Variants in ZNF529 observed in about 807,000 individuals in gnomAD.
ZNF529 encodes zinc finger protein 529.
In ZNF529, 11 loss-of-function variants were observed where a neutral mutation model predicts 10.1. The ratio of observed to expected loss-of-function variants is 1.09; its 90% CI spans 0.69 to 1.81. The LOEUF (loss-of-function observed/expected upper bound fraction) is 1.81. Among genes scored for constraint, ZNF529 ranks in the 40% most tolerant of loss-of-function variants. The pLI is 0.00. For missense variants in ZNF529, 624 were observed against 666.8 expected, an observed-to-expected ratio of 0.94 and a Z score of 0.71; for synonymous variants, 204 against 215.7, an observed-to-expected ratio of 0.95 and a Z score of 0.47.
At chr19:36,569,445 G>C (rs1228440919) in intron 2 of ZNF529, among the ~76,000 whole-genome samples, 3 of 152,106 alleles carry the variant, frequency 2.0e-5, no homozygotes, top group Non-Finnish European at 4.4e-5. Flanking sequence ...AAATAAGTGA[G>C]ATATCAACAA....
chr19:36,547,119 C>T lies in ZNF529; in HGVS notation c.1439G>A (p.Cys480Tyr). ...RIHSGEKPYE[C>Y]KVCGKAFRHS... ...TCTAAAGGCCTTCCCACATACCTTA[C>T]ATTCATAAGGTTTCTCACCACTATG... is the stretch of plus-strand genomic sequence containing the variant. The change falls in exon 5 of 5, where the codon TGT becomes TAT. Residue 480 changes from cysteine (C) to tyrosine (Y), a missense_variant. Cys to Tyr is a radical substitution (Grantham distance 194, BLOSUM62 -2). Transcript: ENST00000591340. 1.9e-6 allele frequency: 3 copies of T among 1,613,974 alleles called. No individual in the cohort carries two copies. The highest frequency in any genetic ancestry group is 2.5e-6 in the Non-Finnish European group (3 of 1,179,958).
intron 2 of ZNF529, chr19:36,582,817 T>C (rs141874662): frequency 5.9e-5 from 9 of 151,468 alleles, no homozygotes; most frequent in Admixed American, 2.0e-4. Context: ...ATTTTAAAAA[T>C]GGATAAATCC....
intron 1 of ZNF529, among the ~76,000 whole-genome samples, chr19:36,590,459 A>G (rs550838594): frequency 6.6e-6 from 1 of 152,304 alleles, no homozygotes; most frequent in East Asian, 1.9e-4. Context: ...TTAAATGCTT[A>G]TATTAGAAGA....
chr19:36,560,336 TCTC>T (rs372578977), intron 2 of ZNF529, among the ~76,000 whole-genome samples: 122 of 152,068 alleles, frequency 8.0e-4, no homozygotes, highest in African/African-American at 2.9e-3. Flanking sequence ...ATATATCTCT[TCTC>T]CTCTTAACTG....
chr19:36,558,821 G>A (rs1219877168), intron 2 of ZNF529, among the ~76,000 whole-genome samples: 1 of 151,320 alleles, frequency 6.6e-6, no homozygotes, highest in Non-Finnish European at 1.5e-5. Flanking sequence ...CGAAAGAAAG[G>A]AAACAATTTA....
Position 36,568,665 on chromosome 19 carries a change from T to A in ZNF529, c.14+3668A>T, listed in dbSNP as rs143391773. On this transcript the variant is annotated intron_variant, in intron 2 of 4. Coordinates refer to ENST00000591340, the MANE Select transcript of ZNF529 (RefSeq NM_020951.5). ...TTTTGTACTTTTAATAGAGACAGGG[T>A]TTCACTATGTTGGCCAGGCTGGTCT... 4.7e-3 allele frequency among the ~76,000 whole-genome samples: 718 copies of A among 152,186 alleles called. 5 individuals carry two copies. The highest frequency in any genetic ancestry group is 0.023 in the South Asian group (109 of 4,818).
chr19:36,584,671 G>A (rs765515867), intron 2 of ZNF529, among the ~76,000 whole-genome samples: 2 of 151,614 alleles, frequency 1.3e-5, no homozygotes, highest in Non-Finnish European at 2.9e-5. Context: ...GGAGGCTAAG[G>A]CAAGATAATC....
At chr19:36,549,854 CA>C (rs1219483138) in intron 4 of ZNF529, among the ~76,000 whole-genome samples, 1 of 151,980 alleles carries the variant, frequency 6.6e-6, no homozygotes, top group African/African-American at 2.4e-5. Context: ...CTGTACTTTC[CA>C]AAAATATATT....
At chr19:36,579,273 A>G (rs1186397103) in intron 2 of ZNF529, among the ~76,000 whole-genome samples, 1 of 152,230 alleles carries the variant, frequency 6.6e-6, no homozygotes, top group Non-Finnish European at 1.5e-5. Context: ...TGGTCAAGAA[A>G]AAGATACACA....
chr19:36,588,686 A>G (rs553096737), intron 2 of ZNF529, among the ~76,000 whole-genome samples: 1 of 152,316 alleles, frequency 6.6e-6, no homozygotes, highest in South Asian at 2.1e-4. Flanking sequence ...GTAGAATGAG[A>G]TCCATCCATT....
intron 1 of ZNF529, among the ~76,000 whole-genome samples, chr19:36,597,571 T>A (rs989781809): frequency 2.0e-5 from 3 of 152,194 alleles, no homozygotes; most frequent in African/African-American, 7.2e-5. Flanking sequence ...TTTATCTCCA[T>A]AATGTCTGTG....
chr19:36,549,883 A>T (rs2035193602), intron 4 of ZNF529, among the ~76,000 whole-genome samples: 1 of 152,052 alleles, frequency 6.6e-6, no homozygotes, highest in Non-Finnish European at 1.5e-5. Flanking sequence ...TTAAAATAAT[A>T]TCTGAATATA....
intron 2 of ZNF529, among the ~76,000 whole-genome samples, chr19:36,584,496 G>A (rs1421442043): frequency 2.0e-5 from 3 of 152,170 alleles, no homozygotes; most frequent in Non-Finnish European, 4.4e-5. Flanking sequence ...GCCGGATGCG[G>A]TAGTTCACAC....
chr19:36,560,835 G>A (rs1471705324), intron 2 of ZNF529, among the ~76,000 whole-genome samples: 1 of 152,156 alleles, frequency 6.6e-6, no homozygotes, highest in Non-Finnish European at 1.5e-5. Context: ...GTGCTGCTCG[G>A]CTTCTCTTAA....
chr19:36,577,092 A>C (rs547965185), upstream of ZNF529: 23 of 428,076 alleles, frequency 5.4e-5, no homozygotes, highest in African/African-American at 4.1e-4. Context: ...AGCTGGGACC[A>C]CAGGCACCCA....
chr19:36,569,327 G>C (rs1223026019), intron 2 of ZNF529, among the ~76,000 whole-genome samples: 1 of 152,148 alleles, frequency 6.6e-6, no homozygotes, highest in Non-Finnish European at 1.5e-5. Context: ...AGAAACAAAA[G>C]CATTGGAGTA....
intron 4 of ZNF529, among the ~76,000 whole-genome samples, chr19:36,550,377 T>C (rs902769340): frequency 3.5e-4 from 53 of 152,220 alleles, no homozygotes; most frequent in Non-Finnish European, 1.6e-4. Context: ...ACCCCGTCTG[T>C]ACTAAAAATA....
intron 2 of ZNF529, among the ~76,000 whole-genome samples, chr19:36,569,260 A>C (rs886417370): frequency 2.0e-5 from 3 of 152,200 alleles, no homozygotes; most frequent in African/African-American, 7.2e-5. Context: ...ACTGCAAGGC[A>C]TACAAAGACA....
At chr19:36,572,418 C>T in intron 1 of ZNF529, 26 bp from the exon 2 acceptor site, 1 of 1,521,032 alleles carries the variant, frequency 6.6e-7, no homozygotes, top group South Asian at 1.2e-5. Context: ...GGAGAAAGGA[C>T]TCATGACATC....
Sources: allele counts gnomAD v4.1 joint callset (sites outside exome capture counted in the v4.1 genomes callset), GRCh38; gene constraint gnomAD v4.1.1; transcripts MANE v1.5; gene names NCBI Gene and HGNC (gene_info 2026-07-23, HGNC 2026-07-21).